Variants in PPM1J observed in about 807,000 individuals in gnomAD.
PPM1J encodes protein phosphatase 1J.
PPM1J carries 43 observed loss-of-function variants against 53.3 expected under a neutral mutation model. The ratio of observed to expected loss-of-function variants is 0.81; its 90% CI spans 0.63 to 1.04. The LOEUF (loss-of-function observed/expected upper bound fraction) is 1.04, where lower values mean the gene tolerates loss of function less well. PPM1J is among the 50% of genes least tolerant of loss of function. The pLI is 0.00. For missense variants in PPM1J, 635 were observed against 685.9 expected (o/e 0.93, Z 0.83); for synonymous variants, 267 against 286.4 (o/e 0.93, Z 0.68).
intron 1 of PPM1J, chr1:112,714,760 C>T (rs1398617259): frequency 8.0e-7 from 1 of 1,253,190 alleles, no homozygotes; most frequent in East Asian, 3.2e-5. Context: ...AGTCAATGAG[C>T]GGGAAGGACG....
At position 112,713,064 on chromosome 1, in the gene PPM1J, T is replaced by TTGTGTGTGTG. The variant is rs36095892; in HGVS notation, c.442-43_442-34dup. 1.9e-3 allele frequency: 1,938 copies of TTGTGTGTGTG among 1,031,964 alleles called. 4 individuals carry two copies. The highest frequency in any genetic ancestry group is 7.6e-3 in the African/African-American group (464 of 61,398). 63.9% of individuals were successfully genotyped at this position (1,031,964 alleles called of 1,614,324 possible). On this transcript the variant is annotated intron_variant, in intron 2 of 9. Transcript: ENST00000309276. ...AGGAAAAGTTGGAGGTGAGTTTTGT[T>TTGTGTGTGTG]TGTGTGTGTGTGTGTGTGTGTGTGT...
rs1675126676 is a variant in PPM1J, at chr1:112,713,620, C to A, written c.327-9G>T. ...TGCCAGCATTGATGACCCTGCCAGGCCAGAATGACCACATCAGGTTGGACA... is the reference window on the plus strand; with the variant it reads ...TGCCAGCATTGATGACCCTGCCAGGACAGAATGACCACATCAGGTTGGACA... On this transcript the variant is annotated splice_polypyrimidine_tract_variant and intron_variant, in intron 1 of 9. Coordinates refer to ENST00000309276, the MANE Select transcript of PPM1J (RefSeq NM_005167.7). 6.2e-7 allele frequency: 1 copy of A among 1,606,074 alleles called. No homozygotes were observed. The highest frequency in any genetic ancestry group is 1.3e-5 in the African/African-American group (1 of 74,874).
intron 7 of PPM1J, 37 bp from the exon 8 acceptor site, chr1:112,710,888 C>G (rs745334526): frequency 4.0e-5 from 64 of 1,603,356 alleles, no homozygotes; most frequent in Non-Finnish European, 5.5e-5. Flanking sequence ...CTGTAGTCCT[C>G]TGCTAGATTC....
At position 112,715,135 on chromosome 1, in the gene PPM1J, G is replaced by A. The variant is rs1246291164; in HGVS notation, c.167C>T (p.Thr56Met). The A allele has an allele frequency of 3.2e-6, 5 of 1,550,196 alleles. No homozygotes were observed. Among genetic ancestry groups the A allele is most frequent in the Non-Finnish European group, 4.3e-6 (5 of 1,158,874 alleles). ...PPAKAGSGSA[T>M]PAKAVEARAS... is the part of the protein sequence containing the mutation. ...TCGAGCCTCAACAGCCTTCGCGGGC[G>A]TCGCGCTCCCGCTCCCAGCCTTCGC... The change falls in exon 1 of 10, where the codon ACG becomes ATG. Residue 56 changes from threonine to methionine, a missense_variant. Thr to Met is a moderately conservative substitution (Grantham distance 81). Transcript: ENST00000309276. The surrounding 1 kb of genome is among the most constrained non-coding windows in gnomAD (Gnocchi z 4.4).
Position 112,712,991 on chromosome 1 carries a change from G to A in PPM1J, c.482C>T (p.Ala161Val). ...FYYWGLFDGH[A>V]GGGAAEMASR... Reference sequence around the variant, plus strand: ...GGCCATTTCAGCAGCTCCGCCCCCTGCATGCCCATCAAATAGGCCCCAGTA... The same window carrying A: ...GGCCATTTCAGCAGCTCCGCCCCCTACATGCCCATCAAATAGGCCCCAGTA... The change falls in exon 3 of 10, where the codon GCA becomes GTA. Residue 161 changes from alanine (A) to valine (V), a missense_variant. Coordinates refer to ENST00000309276, the MANE Select transcript of PPM1J (RefSeq NM_005167.7). 1 of 1,611,668 alleles carries A rather than the reference G, an allele frequency of 6.2e-7. No individual in the cohort carries two copies. The highest frequency in any genetic ancestry group is 1.1e-5 in the South Asian group (1 of 90,972).
intron 9 of PPM1J, 63 bp downstream of exon 9, chr1:112,710,397 G>GCTT (rs1675029509): frequency 1.2e-6 from 2 of 1,610,648 alleles, no homozygotes; most frequent in Non-Finnish European, 1.7e-6. Flanking sequence ...CCCAAGCATT[G>GCTT]CTTCCCTTTG....
intron 2 of PPM1J, 82 bp downstream of exon 2, chr1:112,713,415 G>A: frequency 5.2e-6 from 5 of 959,284 alleles, no homozygotes; most frequent in Admixed American, 1.7e-5. Flanking sequence ...CAGGTCTTCC[G>A]CATGGCTCAG....
rs1464114916 is a variant in PPM1J, at chr1:112,711,324, C to G, written c.988G>C (p.Val330Leu). The change falls in exon 6 of 10, where the codon GTT (valine) becomes CTT (leucine). Residue 330 changes from valine to leucine, a missense_variant. Val to Leu is a conservative substitution (Grantham distance 32). Coordinates refer to ENST00000309276, the MANE Select transcript of PPM1J (RefSeq NM_005167.7). ...EFTHLEFPRR[V>L]LPKELGQRML... Reference sequence around the variant, plus strand: ...CTCTGCCCCAGCTCCTTGGGCAGAACTCTGCGGGGGAACTCAAGGTGGGTG... The same window carrying G: ...CTCTGCCCCAGCTCCTTGGGCAGAAGTCTGCGGGGGAACTCAAGGTGGGTG... 1 of 1,607,638 alleles carries G rather than the reference C, an allele frequency of 6.2e-7. No individual in the cohort carries two copies. Among genetic ancestry groups the G allele is most frequent in the Admixed American group, 1.7e-5 (1 of 58,700 alleles).
Position 112,711,403 on chromosome 1 carries a change from AG to A in PPM1J, c.928-20del. 1 of 1,497,930 alleles carries A rather than the reference AG, an allele frequency of 6.7e-7. No homozygotes were observed. Among genetic ancestry groups the A allele is most frequent in the Non-Finnish European group, 9.2e-7 (1 of 1,085,332 alleles). 92.8% of individuals were successfully genotyped at this position (1,497,930 alleles called of 1,614,324 possible). ...GGAAGCCCTGGAGTTGGGGATGATC[AG>A]AACAGAGAGCCAGGGGGCATTATGC... On this transcript the variant is annotated intron_variant, in intron 5 of 9. Coordinates refer to ENST00000309276, the MANE Select transcript of PPM1J (RefSeq NM_005167.7).
Position 112,715,064 on chromosome 1 carries a change from G to GC in PPM1J, c.237dup (p.Leu80AlafsTer6), listed in dbSNP as rs1553190966. ...CCCGCGTGGTCATCGGCGCGTCGCA[G>GC]CCCCCCGGGGCTCAGCTGCAGAAAG... On this transcript the variant is annotated frameshift_variant, in exon 1 of 10. Coordinates refer to ENST00000309276, the MANE Select transcript of PPM1J (RefSeq NM_005167.7). LOFTEE classifies it high-confidence loss of function. This position sits in a 1 kb window ranked among gnomAD's most constrained non-coding sequence, Gnocchi z 4.4. The GC allele has an allele frequency of 2.0e-5, 31 of 1,544,354 alleles. No homozygotes were observed. Among genetic ancestry groups the GC allele is most frequent in the East Asian group, 2.6e-5 (1 of 38,908 alleles).
Position 112,712,767 on chromosome 1 carries a change from C to T in PPM1J, c.706G>A (p.Val236Ile), listed in dbSNP as rs10857971. Residue 236 changes from valine (V) to isoleucine (I), a missense_variant, in exon 3 of 10, where the codon GTT becomes ATT. Physicochemically the swap from Val to Ile is conservative, Grantham distance 29. Transcript: ENST00000309276. The stretch of plus-strand genomic sequence containing the variant: ...ACCATGAGCTGGAAGGCATTCTCAA[C>T]GGCCCCCACTACCAGGCTCTCGTGG... ...VSHESLVVGA[V>I]ENAFQLMDEQ... The T allele has an allele frequency of 0.99, 1,600,862 of 1,611,180 alleles. 795,782 individuals carry two copies. Among genetic ancestry groups the T allele is most frequent in the East Asian group, 1 (44,862 of 44,862 alleles).
intron 1 of PPM1J, 123 bp from the exon 2 acceptor site, chr1:112,713,734 G>T: frequency 1.2e-6 from 1 of 821,110 alleles, no homozygotes; most frequent in South Asian, 1.5e-5. Context: ...CAGCCACCTG[G>T]GATCCAGGCC....
chr1:112,711,395 G>A lies in PPM1J; in HGVS notation c.928-11C>T, dbSNP rs945153328. The A allele has an allele frequency of 4.5e-6, 7 of 1,560,170 alleles. No homozygotes were observed. The highest frequency in any genetic ancestry group is 1.1e-5 in the South Asian group (1 of 87,046). ...TGGTTTCAGGAAGCCCTGGAGTTGGGGATGATCAGAACAGAGAGCCAGGGG... is the reference window on the plus strand; with the variant it reads ...TGGTTTCAGGAAGCCCTGGAGTTGGAGATGATCAGAACAGAGAGCCAGGGG... On this transcript the variant is annotated splice_polypyrimidine_tract_variant and intron_variant, in intron 5 of 9. Transcript: ENST00000309276.
In PPM1J at chr1:112,712,746, T is replaced by C; in HGVS notation, c.727A>G (p.Met243Val). ...VGAVENAFQLMDEQMARERRG... is the reference protein window; with the variant it reads ...VGAVENAFQLVDEQMARERRG... ...CTTGGCCCAGGTCACCCACTCACCA[T>C]GAGCTGGAAGGCATTCTCAACGGCC... Residue 243 changes from methionine to valine, a missense_variant and splice_region_variant, in exon 3 of 10, where the codon ATG becomes GTG. Met to Val is a conservative substitution (Grantham distance 21). Transcript: ENST00000309276. 5.6e-6 allele frequency: 9 copies of C among 1,605,630 alleles called. No individual in the cohort carries two copies. The highest frequency in any genetic ancestry group is 1.1e-5 in the South Asian group (1 of 89,982).
intron 6 of PPM1J, 82 bp from the exon 7 acceptor site, chr1:112,711,153 C>T: frequency 6.7e-7 from 1 of 1,493,888 alleles, no homozygotes; most frequent in Non-Finnish European, 9.3e-7. Context: ...CACACAAACC[C>T]CTTAGAAGGG....
chr1:112,711,926 A>G, intron 5 of PPM1J, 45 bp downstream of exon 5: 3 of 1,402,794 alleles, frequency 2.1e-6, no homozygotes, highest in Non-Finnish European at 3.0e-6. Context: ...AGGGAGGCAC[A>G]AGACCCGACA....
Position 112,710,814 on chromosome 1 carries a change from A to T in PPM1J, c.1148T>A (p.Leu383Ter). The change falls in exon 8 of 10, where the codon TTG (leucine) becomes TAG (stop). Residue 383 changes from leucine (L) to a stop codon, truncating the protein, a stop_gained. Coordinates refer to ENST00000309276, the MANE Select transcript of PPM1J (RefSeq NM_005167.7). LOFTEE classifies it high-confidence loss of function. ...GCAGACCTTAAGGCTGTGGTCTCCC[A>T]AGCCTCGGGTCACCCCAATGGTGGC... is the stretch of plus-strand genomic sequence containing the variant. ...VMATIGVTRGLGDHSLKVCSS... is the reference protein window; with the variant it reads ...VMATIGVTRG 6.2e-7 allele frequency: 1 copy of T among 1,613,952 alleles called. No homozygotes were observed. The highest frequency in any genetic ancestry group is 8.5e-7 in the Non-Finnish European group (1 of 1,179,872).
chr1:112,714,277 C>T (rs1675139863), intron 1 of PPM1J: 1 of 985,674 alleles, frequency 1.0e-6, no homozygotes, highest in African/African-American at 1.7e-5. Context: ...ACTGAGCGCC[C>T]CCATCTCCCT....
chr1:112,711,362 A>T lies in PPM1J; in HGVS notation c.950T>A (p.Leu317Gln), dbSNP rs1296510117. The part of the protein sequence containing the change: ...QLLGFLKPEL[L>Q]GSEFTHLEFP... ...CTCAAGGTGGGTGAATTCACTGCCTAGCAGCTCTGGTTTCAGGAAGCCCTG... is the reference window on the plus strand; with the variant it reads ...CTCAAGGTGGGTGAATTCACTGCCTTGCAGCTCTGGTTTCAGGAAGCCCTG... The change falls in exon 6 of 10, where the codon CTA becomes CAA. Residue 317 changes from leucine (L) to glutamine (Q), a missense_variant. Transcript: ENST00000309276. The T allele has an allele frequency of 6.2e-7, 1 of 1,603,768 alleles. No homozygotes were observed. Among genetic ancestry groups the T allele is most frequent in the Admixed American group, 1.7e-5 (1 of 58,148 alleles).
Sources: gnomAD v4.1 joint callset for allele counts on GRCh38, gnomAD v4.1.1 for gene constraint, Gnocchi (gnomAD v3.1) non-coding constraint, MANE v1.5 for transcripts, NCBI Gene and HGNC (gene_info 2026-07-23, HGNC 2026-07-21) for gene names.